The following BIRC3 variants were observed in gnomAD, a reference collection of about 807,000 sequenced individuals.
The protein encoded by BIRC3 is baculoviral IAP repeat-containing protein 3.
In BIRC3, 26 loss-of-function variants were observed where a neutral mutation model predicts 59.0. The ratio of observed to expected loss-of-function variants is 0.44; its 90% CI spans 0.32 to 0.61. BIRC3 has a LOEUF of 0.61. Among genes scored for constraint, BIRC3 ranks in the 20% least tolerant of loss-of-function variants. The pLI is 0.04. For missense variants in BIRC3, 641 were observed against 711.5 expected, an observed-to-expected ratio of 0.90 and a Z score of 1.13; for synonymous variants, 243 against 249.2, an observed-to-expected ratio of 0.98 and a Z score of 0.24.
Position 102,325,088 on chromosome 11 carries a change from C to G in BIRC3, c.579C>G (p.Gly193=). ...CGCCAACAGATCTGGCAAAAGCAGG[C>G]TTTTACTACATAGGACCTGGAGACA... ...FLSPTDLAKA[G]FYYIGPGDRV... The change falls in exon 2 of 9, where the codon GGC becomes GGG. Residue 193 remains glycine (G), a synonymous_variant. Transcript: ENST00000263464. 1 of 1,614,202 alleles carries G rather than the reference C, an allele frequency of 6.2e-7. No individual in the cohort carries two copies. Among genetic ancestry groups the G allele is most frequent in the South Asian group, 1.1e-5 (1 of 91,082 alleles).
chr11:102,322,941 T>A lies in BIRC3; in HGVS notation c.-1569T>A, dbSNP rs897152226. ...TTGAAATGGTAAATTTATTATTTTTTTTGTCATGATAAATTCTGGTTCAAG... is the reference window on the plus strand; with the variant it reads ...TTGAAATGGTAAATTTATTATTTTTATTGTCATGATAAATTCTGGTTCAAG... On this transcript the variant is annotated 5_prime_UTR_variant, in exon 2 of 9. Coordinates refer to ENST00000263464, the MANE Select transcript of BIRC3 (RefSeq NM_001165.5). The A allele has an allele frequency of 9.8e-6, 2 of 203,914 alleles. No individual in the cohort carries two copies. Among genetic ancestry groups the A allele is most frequent in the African/African-American group, 4.6e-5 (2 of 43,714 alleles). 12.6% of individuals were successfully genotyped at this position (203,914 alleles called of 1,614,324 possible). A position where few individuals can be genotyped will look rare whatever the true frequency, so the allele number is the denominator to read the frequency against.
In BIRC3 at chr11:102,330,156, G is replaced by A. The variant is rs563339002; in HGVS notation, c.1082-843G>A. Among the ~76,000 whole-genome samples, 21 of 152,318 alleles carry A rather than the reference G, an allele frequency of 1.4e-4. No individual in the cohort carries two copies. In the East Asian group the frequency reaches 3.1e-3, roughly 22 times the overall value. On this transcript the variant is annotated intron_variant, in intron 5 of 8. Transcript: ENST00000263464. ...TGTCTTAGCAGAAAATCCAAGGGAAGAGTAGGAGTTAACCGAGTGACAAAT... is the reference window on the plus strand; with the variant it reads ...TGTCTTAGCAGAAAATCCAAGGGAAAAGTAGGAGTTAACCGAGTGACAAAT...
In BIRC3 at chr11:102,323,315, G is replaced by T; in HGVS notation, c.-1195G>T. 5.2e-6 allele frequency: 1 copy of T among 193,578 alleles called. No individual in the cohort carries two copies. The allele number at this position is 193,578 out of a possible 1,614,324, so 12.0% of individuals were successfully genotyped here. On this transcript the variant is annotated 5_prime_UTR_variant, in exon 2 of 9. Coordinates refer to ENST00000263464, the MANE Select transcript of BIRC3 (RefSeq NM_001165.5). ...GATTCTGTTTTTCCAAAAGTAACCT[G>T]AATATAGCAATGAAGTTCAGTTTTG...
At chr11:102,329,599 T>C (rs941956757) in intron 5 of BIRC3, among the ~76,000 whole-genome samples, 9 of 152,192 alleles carry the variant, frequency 5.9e-5, no homozygotes, top group Non-Finnish European at 1.3e-4. Context: ...CATGGAATAC[T>C]ATGCAGCCAT....
chr11:102,334,705 C>T (rs957208483), intron 6 of BIRC3, among the ~76,000 whole-genome samples: 1 of 151,878 alleles, frequency 6.6e-6, no homozygotes, highest in Non-Finnish European at 1.5e-5. Flanking sequence ...AAGTTATATT[C>T]CAAAGAGATA....
intron 3 of BIRC3, among the ~76,000 whole-genome samples, chr11:102,327,256 T>A (rs112749228): frequency 2.6e-5 from 4 of 152,244 alleles, no homozygotes; most frequent in African/African-American, 9.6e-5. Flanking sequence ...AAATTGATTA[T>A]ATGTATGTTT....
chr11:102,326,939 C>G, intron 3 of BIRC3: 1 of 358,806 alleles, frequency 2.8e-6, no homozygotes, highest in Non-Finnish European at 5.5e-6. Context: ...AACTCCTGAC[C>G]TCAGGACTTT....
intron 6 of BIRC3, among the ~76,000 whole-genome samples, chr11:102,335,146 G>T (rs539608235): frequency 2.0e-5 from 3 of 152,272 alleles, no homozygotes; most frequent in South Asian, 2.1e-4. Context: ...GGAGGCTCAG[G>T]CACAAAAATA....
chr11:102,320,361 G>C (rs1018201052), intron 1 of BIRC3: 1 of 152,294 alleles, frequency 6.6e-6, no homozygotes, highest in Non-Finnish European at 1.5e-5. Flanking sequence ...GGGCTCAAGT[G>C]AACCTCCTGC....
intron 7 of BIRC3, 79 bp from the exon 8 acceptor site, chr11:102,336,681 T>C (rs894086018): frequency 1.0e-5 from 14 of 1,345,092 alleles, no homozygotes; most frequent in Non-Finnish European, 2.1e-6. Flanking sequence ...TAGTCTAAAG[T>C]GTTCATTTTT....
chr11:102,331,297 T>C, intron 6 of BIRC3, 56 bp downstream of exon 6: 1 of 1,483,160 alleles, frequency 6.7e-7, no homozygotes, highest in Non-Finnish European at 8.9e-7. Flanking sequence ...TCAGTCTATA[T>C]GTTATGAAAA....
At position 102,338,857 on chromosome 11, in the gene BIRC3, G is replaced by C. The variant is rs988020270; in HGVS notation, c.*1755G>C. 9.0e-6 allele frequency: 2 copies of C among 222,924 alleles called. No individual in the cohort carries two copies. Among genetic ancestry groups the C allele is most frequent in the Non-Finnish European group, 1.8e-5 (2 of 111,688 alleles). The allele number at this position is 222,924 out of a possible 1,614,324, so 13.8% of individuals were successfully genotyped here. A position where few individuals can be genotyped will look rare whatever the true frequency, so the allele number is the denominator to read the frequency against. On this transcript the variant is annotated 3_prime_UTR_variant, in exon 9 of 9. Transcript: ENST00000263464. ...AGAGGAATTCAAGTTTCTGTGGCTT[G>C]CCTTCAGGGAGAATGAGGCTGAGAC...
rs11403428 is a variant in BIRC3 at position 102,339,210 on chromosome 11, G to GTT, written c.*2118_*2119dup. On this transcript the variant is annotated 3_prime_UTR_variant, in exon 9 of 9. Transcript: ENST00000263464. ...AGTAGGCACCCTTTTTGCACCATGT[G>GTT]TTTTTTTTTTTATCTAGTTCTTGTA... 3,824 of 179,472 alleles carry GTT rather than the reference G, an allele frequency of 0.021. 8 individuals are homozygous for GTT. The highest frequency in any genetic ancestry group is 0.044 in the East Asian group (463 of 10,472). The allele number at this position is 179,472 out of a possible 1,614,324, so 11.1% of individuals were successfully genotyped here. A position where few individuals can be genotyped will look rare whatever the true frequency, so the allele number is the denominator to read the frequency against.
At chr11:102,319,462 G>T (rs1316311245) in intron 1 of BIRC3, among the ~76,000 whole-genome samples, 2 of 152,204 alleles carry the variant, frequency 1.3e-5, no homozygotes, top group Non-Finnish European at 2.9e-5. Flanking sequence ...GCAATGAGGG[G>T]ATGGGATTAA....
rs1243588614 is a variant in BIRC3, at chr11:102,338,844, G to C, written c.*1742G>C. ...CCTACCTTGGGGAAGAGGAATTCAAGTTTCTGTGGCTTGCCTTCAGGGAGA... is the reference window on the plus strand; with the variant it reads ...CCTACCTTGGGGAAGAGGAATTCAACTTTCTGTGGCTTGCCTTCAGGGAGA... On this transcript the variant is annotated 3_prime_UTR_variant, in exon 9 of 9. Transcript: ENST00000263464. 4.5e-6 allele frequency: 1 copy of C among 223,934 alleles called. No individual in the cohort carries two copies. 13.9% of individuals were successfully genotyped at this position (223,934 alleles called of 1,614,324 possible).
chr11:102,318,219 A>G (rs1950993686), intron 1 of BIRC3, among the ~76,000 whole-genome samples: 2 of 152,324 alleles, frequency 1.3e-5, no homozygotes, highest in African/African-American at 2.4e-5. Context: ...TAATTATCAT[A>G]ATCTTAAGAA....
chr11:102,332,757 C>A (rs541542361), intron 6 of BIRC3, among the ~76,000 whole-genome samples: 2 of 152,292 alleles, frequency 1.3e-5, no homozygotes, highest in East Asian at 3.9e-4. Context: ...CATACATTCA[C>A]CAAAGTGTGA....
chr11:102,325,049 A>G lies in BIRC3; in HGVS notation c.540A>G (p.Pro180=), dbSNP rs1225865482. Residue 180 remains proline (P), a synonymous_variant, in exon 2 of 9, where the codon CCA becomes CCG. Transcript: ENST00000263464. ...NARLLTFQTW[P]LTFLSPTDLA... The stretch of plus-strand genomic sequence containing the variant: ...GATTACTTACTTTTCAGACATGGCC[A>G]TTGACTTTTCTGTCGCCAACAGATC... The G allele has an allele frequency of 1.2e-6, 2 of 1,614,186 alleles. No homozygotes were observed. The highest frequency in any genetic ancestry group is 1.6e-4 in the Middle Eastern group (1 of 6,062).
In BIRC3 at chr11:102,324,588, T is replaced by G. The variant is rs775814824; in HGVS notation, c.79T>G (p.Ser27Ala). The G allele has an allele frequency of 6.2e-7, 1 of 1,614,128 alleles. No homozygotes were observed. Among genetic ancestry groups the G allele is most frequent in the South Asian group, 1.1e-5 (1 of 91,074 alleles). The change falls in exon 2 of 9, where the codon TCA becomes GCA. Residue 27 changes from serine to alanine, a missense_variant. Transcript: ENST00000263464. ...ANTFELKYDLSCELYRMSTYS... is the reference protein window; with the variant it reads ...ANTFELKYDLACELYRMSTYS... Reference sequence around the variant, plus strand: ...CACGTTTGAACTGAAATACGACTTGTCATGTGAACTGTACCGAATGTCTAC... The same window carrying G: ...CACGTTTGAACTGAAATACGACTTGGCATGTGAACTGTACCGAATGTCTAC...
Sources: allele counts gnomAD v4.1 joint callset (sites outside exome capture counted in the v4.1 genomes callset), GRCh38; gene constraint gnomAD v4.1.1; transcripts MANE v1.5; gene names NCBI Gene and HGNC (gene_info 2026-07-23, HGNC 2026-07-21).